ITGBL1: variants seen among roughly 807,000 people sequenced by gnomAD.
ITGBL1 encodes the protein integrin subunit beta like 1, also known as integrin beta-like protein 1.
In ITGBL1, 51 loss-of-function variants were observed where a neutral mutation model predicts 68.5. The observed-to-expected ratio is 0.74, with a 90% confidence interval of 0.59 to 0.94. The LOEUF (loss-of-function observed/expected upper bound fraction) is 0.94. Ranked by LOEUF, ITGBL1 falls within the 40% of genes least tolerant of loss-of-function variation. The probability of loss-of-function intolerance (pLI) is 0.00; values close to 1 mark genes in which losing one functional copy is unlikely to be tolerated. For missense variants in ITGBL1, 649 were observed against 647.4 expected (o/e 1.00, Z -0.03); for synonymous variants, 209 against 227.3 (o/e 0.92, Z 0.72).
chr13:101,527,536 T>A (rs2049401171), intron 2 of ITGBL1, among the ~76,000 whole-genome samples: 1 of 152,096 alleles, frequency 6.6e-6, no homozygotes, highest in African/African-American at 2.4e-5. Flanking sequence ...TATTCATTCC[T>A]AAGTTTTCAT....
intron 9 of ITGBL1, among the ~76,000 whole-genome samples, chr13:101,709,933 A>G (rs776272201): frequency 2.0e-5 from 3 of 152,236 alleles, no homozygotes; most frequent in Non-Finnish European, 4.4e-5. Context: ...TGCTTATGAA[A>G]GTCATTACAG....
chr13:101,605,536 G>A (rs575976563), intron 7 of ITGBL1, among the ~76,000 whole-genome samples: 23 of 149,188 alleles, frequency 1.5e-4, no homozygotes, highest in East Asian at 6.0e-4. Flanking sequence ...ATGTATATGC[G>A]TATATATACA....
intron 2 of ITGBL1, among the ~76,000 whole-genome samples, chr13:101,478,510 T>G (rs4445756): frequency 0.14 from 21,641 of 151,966 alleles, 2,051 homozygotes; most frequent in East Asian, 0.43. Flanking sequence ...AGAAATAATG[T>G]TCATCCACAT....
In ITGBL1 at chr13:101,591,279, G is replaced by A. The variant is rs16959174; in HGVS notation, c.869-6874G>A. On this transcript the variant is annotated intron_variant, in intron 6 of 10. Transcript: ENST00000376180. Reference sequence around the variant, plus strand: ...ACCTATGAAATATAATTGTTAATAAGCATAAACCGTTACAAAAATTCCCAT... The same window carrying A: ...ACCTATGAAATATAATTGTTAATAAACATAAACCGTTACAAAAATTCCCAT... Among the ~76,000 whole-genome samples, 1,375 of 152,230 alleles carry A rather than the reference G, an allele frequency of 9.0e-3. 21 individuals carry two copies. The highest frequency in any genetic ancestry group is 0.031 in the African/African-American group (1,299 of 41,540).
chr13:101,679,247 C>T (rs186438171), intron 7 of ITGBL1, among the ~76,000 whole-genome samples: 1 of 152,252 alleles, frequency 6.6e-6, no homozygotes, highest in East Asian at 1.9e-4. Context: ...ATTATATCAA[C>T]GACAACACTT....
chr13:101,548,623 A>G (rs1270123406), intron 2 of ITGBL1, among the ~76,000 whole-genome samples: 1 of 151,824 alleles, frequency 6.6e-6, no homozygotes, highest in Non-Finnish European at 1.5e-5. Context: ...ATTGTTTTAT[A>G]CATAGAAGGG....
At chr13:101,527,516 C>T (rs2139150680) in intron 2 of ITGBL1, among the ~76,000 whole-genome samples, 1 of 152,120 alleles carries the variant, frequency 6.6e-6, no homozygotes, top group African/African-American at 2.4e-5. Flanking sequence ...ATGAATAAAA[C>T]TATGATGTAT....
intron 2 of ITGBL1, among the ~76,000 whole-genome samples, chr13:101,516,153 T>A (rs2049191911): frequency 6.6e-6 from 1 of 152,206 alleles, no homozygotes; most frequent in Non-Finnish European, 1.5e-5. Flanking sequence ...GTGCACCTTG[T>A]ATTTATTGAA....
chr13:101,664,189 A>G (rs2033156782), intron 7 of ITGBL1, among the ~76,000 whole-genome samples: 1 of 152,208 alleles, frequency 6.6e-6, no homozygotes, highest in African/African-American at 2.4e-5. Context: ...TATGTGCTAC[A>G]TTTGTAACTG....
At chr13:101,579,190 T>C in intron 4 of ITGBL1, 97 bp from the exon 5 acceptor site, 2 of 1,345,784 alleles carry the variant, frequency 1.5e-6, no homozygotes, top group Non-Finnish European at 2.1e-6. Context: ...TGTGACAGTA[T>C]TTCAGAAGGC....
intron 7 of ITGBL1, among the ~76,000 whole-genome samples, chr13:101,642,283 T>C (rs2032407701): frequency 6.6e-6 from 1 of 152,180 alleles, no homozygotes; most frequent in African/African-American, 2.4e-5. Flanking sequence ...TATCTCATTG[T>C]GGTTTTGATT....
Position 101,663,584 on chromosome 13 carries a change from A to G in ITGBL1, c.1016-29001A>G, listed in dbSNP as rs186095127. Among the ~76,000 whole-genome samples the G allele has an allele frequency of 3.3e-5, 5 of 152,306 alleles. No homozygotes were observed. In the East Asian group the frequency reaches 7.7e-4, roughly 24 times the overall value. On this transcript the variant is annotated intron_variant, in intron 7 of 10. Transcript: ENST00000376180. ...TCTTGTGCATATCCTTACAATAAAC[A>G]TGAAATTTATATTTTATAATCCAAA...
At chr13:101,510,783 T>C (rs1447567193) in intron 2 of ITGBL1, among the ~76,000 whole-genome samples, 1 of 152,154 alleles carries the variant, frequency 6.6e-6, no homozygotes, top group Non-Finnish European at 1.5e-5. Flanking sequence ...GTTGATCACA[T>C]ATATATCTTC....
At chr13:101,502,058 G>A (rs181995105) in intron 2 of ITGBL1, among the ~76,000 whole-genome samples, 1 of 152,128 alleles carries the variant, frequency 6.6e-6, no homozygotes, top group Non-Finnish European at 1.5e-5. Flanking sequence ...ATAAGAATGT[G>A]TATTGGCCCC....
At chr13:101,649,978 T>G (rs2032689713) in intron 7 of ITGBL1, among the ~76,000 whole-genome samples, 1 of 152,138 alleles carries the variant, frequency 6.6e-6, no homozygotes, top group South Asian at 2.1e-4. Context: ...CATGTAGGAT[T>G]ATTTGTCTGC....
At chr13:101,613,734 AGAAG>A (rs1048043047) in intron 7 of ITGBL1, among the ~76,000 whole-genome samples, 6 of 152,158 alleles carry the variant, frequency 3.9e-5, no homozygotes. Flanking sequence ...GAGAGCTTGC[AGAAG>A]TATTTTTAAA....
At chr13:101,477,949 A>G (rs1042140933) in intron 2 of ITGBL1, among the ~76,000 whole-genome samples, 5 of 152,040 alleles carry the variant, frequency 3.3e-5, no homozygotes, top group Non-Finnish European at 7.4e-5. Flanking sequence ...TATTTCAAAA[A>G]ATGGAGGAGG....
At chr13:101,569,114 A>G (rs1339018636) in intron 3 of ITGBL1, among the ~76,000 whole-genome samples, 2 of 151,270 alleles carry the variant, frequency 1.3e-5, no homozygotes, top group African/African-American at 2.4e-5. Context: ...CCATACACAC[A>G]CACACACGCG....
chr13:101,469,192 C>A (rs2048423816), intron 2 of ITGBL1, among the ~76,000 whole-genome samples: 1 of 152,100 alleles, frequency 6.6e-6, no homozygotes, highest in South Asian at 2.1e-4. Flanking sequence ...TGCGAGCCAA[C>A]AATACTGCAA....
Sources: gnomAD v4.1 joint callset for allele counts (sites outside exome capture counted in the v4.1 genomes callset) on GRCh38, gnomAD v4.1.1 for gene constraint, MANE v1.5 for transcripts, NCBI Gene and HGNC (gene_info 2026-07-23, HGNC 2026-07-21) for gene names.